The following SNTG1 variants were observed in gnomAD, a reference collection of about 807,000 sequenced individuals.
The protein encoded by SNTG1 is syntrophin gamma 1.
Under a neutral mutation model 74.7 loss-of-function variants are expected in SNTG1, and 39 were observed. That is an observed-to-expected ratio of 0.52 (90% CI 0.40 to 0.68). The LOEUF (loss-of-function observed/expected upper bound fraction) is 0.68, where lower values mean the gene tolerates loss of function less well. Ranked by LOEUF, SNTG1 falls within the 30% of genes least tolerant of loss-of-function variation. The pLI is 0.00. For synonymous variants in SNTG1, 254 were observed against 217.1 expected, an observed-to-expected ratio of 1.17 and a Z score of -1.49; for missense variants, 685 against 609.5, an observed-to-expected ratio of 1.12 and a Z score of -1.30.
intron 18 of SNTG1, among the ~76,000 whole-genome samples, chr8:50,771,068 G>A (rs1431064491): frequency 6.6e-6 from 1 of 152,106 alleles, no homozygotes; most frequent in Non-Finnish European, 1.5e-5. Context: ...GGCATGCAGA[G>A]TGGGGTGTTG....
In SNTG1 at chr8:50,068,885, T is replaced by C. The variant is rs77255291; in HGVS notation, c.-102-103676T>C. On this transcript the variant is annotated intron_variant, in intron 1 of 18. Coordinates refer to ENST00000642720, the MANE Select transcript of SNTG1 (RefSeq NM_018967.5). Reference sequence around the variant, plus strand: ...CTCCCTGTGCGTCTTCCTAATCTATTCACAGTTACAATTACTTAAAACATT... The same window carrying C: ...CTCCCTGTGCGTCTTCCTAATCTATCCACAGTTACAATTACTTAAAACATT... Among the ~76,000 whole-genome samples, 316 of 152,310 alleles carry C rather than the reference T, an allele frequency of 2.1e-3. 4 individuals are homozygous for C. The highest frequency in any genetic ancestry group is 5.8e-3 in the East Asian group (30 of 5,178).
chr8:50,438,365 T>G (rs1322727479), intron 4 of SNTG1, among the ~76,000 whole-genome samples, 178 bp from the exon 5 acceptor site: 1 of 152,186 alleles, frequency 6.6e-6, no homozygotes, highest in Admixed American at 6.5e-5. Flanking sequence ...ACCCTTTGAT[T>G]TAAAAGTCAA....
chr8:50,585,501 T>TTTTA (rs2094642276), intron 12 of SNTG1, among the ~76,000 whole-genome samples: 2 of 152,198 alleles, frequency 1.3e-5, no homozygotes, highest in African/African-American at 4.8e-5. Flanking sequence ...AAAATTAGCA[T>TTTTA]TGGTTTCTAA....
At chr8:50,154,687 C>A (rs1350355558) in intron 1 of SNTG1, among the ~76,000 whole-genome samples, 3 of 152,168 alleles carry the variant, frequency 2.0e-5, no homozygotes, top group African/African-American at 7.2e-5. Flanking sequence ...AAGCATTGAA[C>A]TAACCAAAAT....
At chr8:50,160,567 A>C (rs1164911217) in intron 1 of SNTG1, among the ~76,000 whole-genome samples, 1 of 152,142 alleles carries the variant, frequency 6.6e-6, no homozygotes, top group East Asian at 1.9e-4. Context: ...TTTACATTTC[A>C]TTGTGAATGA....
intron 18 of SNTG1, among the ~76,000 whole-genome samples, chr8:50,779,075 T>C (rs2095650240): frequency 6.6e-6 from 1 of 152,174 alleles, no homozygotes; most frequent in East Asian, 1.9e-4. Context: ...TCTGTTTTGG[T>C]ACCAGTACCA....
chr8:50,005,086 C>A (rs1404619933), intron 1 of SNTG1, among the ~76,000 whole-genome samples: 1 of 151,790 alleles, frequency 6.6e-6, no homozygotes, highest in Non-Finnish European at 1.5e-5. Flanking sequence ...TGTATTATTT[C>A]TGTTACTAAT....
chr8:50,192,324 G>C (rs1184350365), intron 2 of SNTG1, among the ~76,000 whole-genome samples: 1 of 152,012 alleles, frequency 6.6e-6, no homozygotes, highest in Non-Finnish European at 1.5e-5. Context: ...GCTTTCTTTG[G>C]TCCTTAGTTT....
intron 12 of SNTG1, among the ~76,000 whole-genome samples, chr8:50,574,776 T>C (rs1180555602): frequency 1.3e-5 from 2 of 151,806 alleles, no homozygotes; most frequent in Non-Finnish European, 2.9e-5. Context: ...ATTAATCCAA[T>C]GAAAGCCTAT....
At position 49,913,069 on chromosome 8, in the gene SNTG1, A is replaced by G. The variant is rs565235277; in HGVS notation, c.-103+838A>G. On this transcript the variant is annotated intron_variant, in intron 1 of 18. Coordinates refer to ENST00000642720, the MANE Select transcript of SNTG1 (RefSeq NM_018967.5). ...GAGCTTTAAAATTACAATCTTTCAC[A>G]GTGACCTTGATAAGCATTCTGCTTT... Among the ~76,000 whole-genome samples, 12 of 152,346 alleles carry G rather than the reference A, an allele frequency of 7.9e-5. No homozygotes were observed. In the South Asian group the frequency reaches 2.5e-3, roughly 32 times the overall value.
chr8:50,177,547 C>T (rs989085716), intron 2 of SNTG1, among the ~76,000 whole-genome samples: 1 of 152,186 alleles, frequency 6.6e-6, no homozygotes, highest in Admixed American at 6.5e-5. Flanking sequence ...CACAGAGACC[C>T]TGGTTTGCTC....
chr8:50,143,384 C>G (rs1453078794), intron 1 of SNTG1, among the ~76,000 whole-genome samples: 1 of 152,070 alleles, frequency 6.6e-6, no homozygotes, highest in Non-Finnish European at 1.5e-5. Flanking sequence ...CATTAAAATA[C>G]TGAATGGAAA....
chr8:50,278,153 C>T (rs2088224157), intron 2 of SNTG1, among the ~76,000 whole-genome samples: 1 of 151,756 alleles, frequency 6.6e-6, no homozygotes, highest in African/African-American at 2.4e-5. Context: ...AGTCTGGCCA[C>T]AGAGTGAGAC....
intron 9 of SNTG1, among the ~76,000 whole-genome samples, chr8:50,517,870 C>T (rs902330008): frequency 6.6e-6 from 1 of 152,090 alleles, no homozygotes; most frequent in African/African-American, 2.4e-5. Context: ...GACTTTAACA[C>T]CCCACTGTCA....
rs566918822 is a variant in SNTG1 at position 50,201,884 on chromosome 8, CT to C, written c.-28+29251del. Reference sequence around the variant, plus strand: ...GCTTCTTCTTGTCTATAAATTTTCACTTCAATAGTTAGAAACATGGCTCCCA... The same window carrying C: ...GCTTCTTCTTGTCTATAAATTTTCACTCAATAGTTAGAAACATGGCTCCCA... On this transcript the variant is annotated intron_variant, in intron 2 of 18. Coordinates refer to ENST00000642720, the MANE Select transcript of SNTG1 (RefSeq NM_018967.5). 5.3e-3 allele frequency among the ~76,000 whole-genome samples: 810 copies of C among 152,198 alleles called. 11 individuals carry two copies. The highest frequency in any genetic ancestry group is 0.019 in the African/African-American group (769 of 41,532).
chr8:50,354,873 A>G (rs2091773315), intron 2 of SNTG1, among the ~76,000 whole-genome samples: 1 of 152,224 alleles, frequency 6.6e-6, no homozygotes, highest in South Asian at 2.1e-4. Flanking sequence ...AATAAAATTA[A>G]AGGTGAAATA....
intron 2 of SNTG1, among the ~76,000 whole-genome samples, chr8:50,181,058 C>T (rs2083189302): frequency 6.6e-6 from 1 of 152,114 alleles, no homozygotes; most frequent in African/African-American, 2.4e-5. Flanking sequence ...GCCACTGCAC[C>T]CGGCCTGTGA....
rs201496023 is a variant in SNTG1, at chr8:50,530,244, C to T, written c.534C>T (p.Tyr178=). ...PLCDSGLHLN[Y]HPNNTDTLSC... ...GTGACAGTGGCTTACATCTCAACTA[C>T]CATCCCAACAATACAGTAAGATGAC... The change falls in exon 10 of 19, where the codon TAC becomes TAT. Residue 178 remains tyrosine (Y), a synonymous_variant. Transcript: ENST00000642720. 49 of 1,613,718 alleles carry T rather than the reference C, an allele frequency of 3.0e-5. No homozygotes were observed. In the East Asian group the frequency reaches 8.5e-4, roughly 28 times the overall value.
intron 13 of SNTG1, among the ~76,000 whole-genome samples, chr8:50,649,381 C>A (rs1352350265): frequency 6.6e-6 from 1 of 152,098 alleles, no homozygotes; most frequent in East Asian, 1.9e-4. Flanking sequence ...TGCCTGTAAT[C>A]CCAGCTACTC....
Sources: gnomAD v4.1 joint callset for allele counts (sites outside exome capture counted in the v4.1 genomes callset) on GRCh38, gnomAD v4.1.1 for gene constraint, MANE v1.5 for transcripts, NCBI Gene and HGNC (gene_info 2026-07-23, HGNC 2026-07-21) for gene names.